The following MTMR7 variants were observed in gnomAD, a reference collection of about 807,000 sequenced individuals.
MTMR7 encodes the protein phosphatidylinositol-3-phosphate phosphatase MTMR7.
MTMR7 carries 76 observed loss-of-function variants against 81.2 expected under a neutral mutation model. That is an observed-to-expected ratio of 0.94 (90% confidence interval 0.78 to 1.13). The LOEUF is 1.13. MTMR7 is among the 50% of genes most tolerant of loss of function. MTMR7 has a pLI of 0.00. For synonymous variants in MTMR7, 372 were observed against 289.8 expected (o/e 1.28, Z -2.88); for missense variants, 1,044 against 820.0 (o/e 1.27, Z -3.34).
chr8:17,331,032 A>G (rs909806135), intron 7 of MTMR7, 118 bp downstream of exon 7: 2 of 1,232,418 alleles, frequency 1.6e-6, no homozygotes, highest in African/African-American at 3.1e-5. Context: ...GTAACATGAT[A>G]TTCTTCCCAA....
At chr8:17,399,598 A>G (rs1273947767) in intron 1 of MTMR7, among the ~76,000 whole-genome samples, 3 of 152,206 alleles carry the variant, frequency 2.0e-5, no homozygotes, top group Non-Finnish European at 4.4e-5. Context: ...CAAAATGCCA[A>G]TGCCACTCTT....
At chr8:17,377,339 T>C (rs1161018615) in intron 1 of MTMR7, among the ~76,000 whole-genome samples, 2 of 152,106 alleles carry the variant, frequency 1.3e-5, no homozygotes, top group African/African-American at 4.8e-5. Flanking sequence ...TTACTGCAGA[T>C]TTTCAAATTT....
At position 17,349,075 on chromosome 8, in the gene MTMR7, C is replaced by G; in HGVS notation, c.475G>C (p.Asp159His). 6.2e-7 allele frequency: 1 copy of G among 1,611,468 alleles called. No homozygotes were observed. The highest frequency in any genetic ancestry group is 8.5e-7 in the Non-Finnish European group (1 of 1,179,496). ...SDVNRDYRVC[D>H]SYPTELYVPK... ...ACGTACAGTTCAGTAGGATAAGAGTCACAGACCTGTCACCAGAAAATACAA... is the reference window on the plus strand; with the variant it reads ...ACGTACAGTTCAGTAGGATAAGAGTGACAGACCTGTCACCAGAAAATACAA... Residue 159 changes from aspartate to histidine, a missense_variant, in exon 5 of 14, where the codon GAC becomes CAC. Asp to His is a moderately conservative substitution (Grantham distance 81). Transcript: ENST00000180173.
At chr8:17,404,774 A>G (rs973069524) in intron 1 of MTMR7, among the ~76,000 whole-genome samples, 1 of 152,074 alleles carries the variant, frequency 6.6e-6, no homozygotes, top group Admixed American at 6.5e-5. Flanking sequence ...AAATACATTG[A>G]TGTTTATCAG....
At chr8:17,356,613 C>G (rs540921668) in intron 4 of MTMR7, among the ~76,000 whole-genome samples, 1 of 152,152 alleles carries the variant, frequency 6.6e-6, no homozygotes, top group African/African-American at 2.4e-5. Flanking sequence ...ACTTGGGAGG[C>G]TGAGGCAGGA....
At chr8:17,366,713 T>C (rs2150561461) in intron 3 of MTMR7, among the ~76,000 whole-genome samples, 1 of 151,986 alleles carries the variant, frequency 6.6e-6, no homozygotes, top group South Asian at 2.1e-4. Context: ...GGTGAAACCC[T>C]GTCTCTACTA....
At chr8:17,379,415 G>A (rs1820693135) in intron 1 of MTMR7, among the ~76,000 whole-genome samples, 1 of 152,224 alleles carries the variant, frequency 6.6e-6, no homozygotes, top group African/African-American at 2.4e-5. Context: ...ACATTTGAAG[G>A]AAAGATGCCT....
At chr8:17,398,838 G>A (rs1821336357) in intron 1 of MTMR7, among the ~76,000 whole-genome samples, 1 of 152,264 alleles carries the variant, frequency 6.6e-6, no homozygotes, top group Non-Finnish European at 1.5e-5. Flanking sequence ...AAGTGAAAGT[G>A]TAGAGTTTTT....
At chr8:17,346,646 G>T (rs894672045) in intron 5 of MTMR7, among the ~76,000 whole-genome samples, 1 of 147,106 alleles carries the variant, frequency 6.8e-6, no homozygotes, top group South Asian at 2.1e-4. Flanking sequence ...AATGTCCCTT[G>T]TCTCAAGAAT....
intron 4 of MTMR7, among the ~76,000 whole-genome samples, chr8:17,355,060 A>G (rs1819846871): frequency 6.6e-6 from 1 of 152,218 alleles, no homozygotes; most frequent in African/African-American, 2.4e-5. Context: ...TTAAGTGACT[A>G]TATATGAGTC....
At chr8:17,314,930 G>T (rs1023791416) in intron 7 of MTMR7, among the ~76,000 whole-genome samples, 1 of 152,272 alleles carries the variant, frequency 6.6e-6, no homozygotes, top group African/African-American at 2.4e-5. Flanking sequence ...CTATGTGTCT[G>T]ATAAAGTACA....
rs1817773975 is a variant in MTMR7, at chr8:17,311,406, A to G, written c.1101+105T>C. 3.4e-6 allele frequency: 5 copies of G among 1,488,446 alleles called. No homozygotes were observed. In the African/African-American group the frequency reaches 7.0e-5, roughly 21 times the overall value. The allele number at this position is 1,488,446 out of a possible 1,614,324, so 92.2% of individuals were successfully genotyped here. A position where few individuals can be genotyped will look rare whatever the true frequency, so the allele number is the denominator to read the frequency against. ...TTAATCTTGCTGAGCTACTAAAAGA[A>G]AAATAATGCTGGCAAGAAAACAGCA... On this transcript the variant is annotated intron_variant, in intron 9 of 13. Transcript: ENST00000180173.
At chr8:17,304,553 AT>A (rs1563315163) in intron 11 of MTMR7, 34 bp from the exon 12 acceptor site, 1 of 1,599,942 alleles carries the variant, frequency 6.3e-7, no homozygotes. Context: ...TAAATGACCT[AT>A]TTTGGTGCTT....
intron 1 of MTMR7, among the ~76,000 whole-genome samples, chr8:17,381,539 C>G (rs973269271): frequency 6.6e-6 from 1 of 152,134 alleles, no homozygotes; most frequent in Non-Finnish European, 1.5e-5. Flanking sequence ...TAAAGTTGCT[C>G]CGTAGGATGA....
intron 1 of MTMR7, among the ~76,000 whole-genome samples, chr8:17,394,306 T>C (rs1424685023): frequency 2.0e-5 from 3 of 152,214 alleles, no homozygotes; most frequent in African/African-American, 4.8e-5. Context: ...ATCCATCAAC[T>C]GATGAATGCA....
At chr8:17,362,346 C>T (rs533425411) in intron 3 of MTMR7, among the ~76,000 whole-genome samples, 1 of 152,294 alleles carries the variant, frequency 6.6e-6, no homozygotes, top group Admixed American at 6.5e-5. Flanking sequence ...TATCTGTGGC[C>T]AGTGGCTACC....
At chr8:17,374,091 C>A (rs1326767340) in intron 1 of MTMR7, among the ~76,000 whole-genome samples, 7 of 152,214 alleles carry the variant, frequency 4.6e-5, no homozygotes, top group Non-Finnish European at 1.0e-4. Flanking sequence ...AAGGATCAAC[C>A]ACCTGCAGAG....
intron 1 of MTMR7, among the ~76,000 whole-genome samples, chr8:17,379,821 TG>T (rs1554517068): frequency 6.6e-6 from 1 of 152,150 alleles, no homozygotes; most frequent in Non-Finnish European, 1.5e-5. Context: ...AATTAGGTAG[TG>T]AAGCACCACA....
chr8:17,412,924 C>T (rs1173066438), intron 1 of MTMR7, among the ~76,000 whole-genome samples: 1 of 152,196 alleles, frequency 6.6e-6, no homozygotes, highest in Non-Finnish European at 1.5e-5. Flanking sequence ...GAGCGGCCAA[C>T]AGCTAAAAGA....
Sources: allele counts gnomAD v4.1 joint callset (sites outside exome capture counted in the v4.1 genomes callset), GRCh38; gene constraint gnomAD v4.1.1; transcripts MANE v1.5; gene names NCBI Gene and HGNC (gene_info 2026-07-23, HGNC 2026-07-21).